PSTPIP2: variants seen among roughly 807,000 people sequenced by gnomAD.
The protein encoded by PSTPIP2 is proline-serine-threonine phosphatase-interacting protein 2.
In PSTPIP2, 33 loss-of-function variants were observed where a neutral mutation model predicts 63.3. The ratio of observed to expected loss-of-function variants is 0.52; its 90% CI spans 0.40 to 0.70. The LOEUF is 0.70. Among genes scored for constraint, PSTPIP2 ranks in the 30% least tolerant of loss-of-function variants. PSTPIP2 has a pLI of 0.00. For missense variants in PSTPIP2, 312 were observed against 400.7 expected (o/e 0.78, Z 1.89); for synonymous variants, 125 against 132.7 (o/e 0.94, Z 0.40).
intron 8 of PSTPIP2, among the ~76,000 whole-genome samples, chr18:45,998,218 C>G (rs1274494097): frequency 6.6e-6 from 1 of 152,120 alleles, no homozygotes; most frequent in African/African-American, 2.4e-5. Context: ...TAAAGGGGCA[C>G]CAAGTTACTT....
chr18:46,064,148 C>G (rs984977695), intron 1 of PSTPIP2, among the ~76,000 whole-genome samples: 3 of 152,132 alleles, frequency 2.0e-5, no homozygotes, highest in Non-Finnish European at 2.9e-5. Context: ...TCTTCCTTGT[C>G]TAGGCCACTG....
intron 3 of PSTPIP2, among the ~76,000 whole-genome samples, chr18:46,019,671 C>T (rs903698858): frequency 4.6e-5 from 7 of 152,080 alleles, no homozygotes; most frequent in Admixed American, 1.3e-4. Context: ...TGTGGTGGCA[C>T]GTGCCGGTAA....
At chr18:46,060,873 T>C (rs1486960616) in intron 1 of PSTPIP2, among the ~76,000 whole-genome samples, 6 of 152,240 alleles carry the variant, frequency 3.9e-5, no homozygotes, top group Non-Finnish European at 7.3e-5. Flanking sequence ...GGCAGGTGCC[T>C]TGTACTCTAT....
intron 1 of PSTPIP2, among the ~76,000 whole-genome samples, chr18:46,042,774 C>T (rs1908237986): frequency 6.6e-6 from 1 of 152,124 alleles, no homozygotes; most frequent in African/African-American, 2.4e-5. Flanking sequence ...TGTCTTGGTG[C>T]ATCGTGCAGC....
intron 13 of PSTPIP2, among the ~76,000 whole-genome samples, chr18:45,990,395 A>C (rs1435634645): frequency 6.6e-6 from 1 of 152,126 alleles, no homozygotes; most frequent in East Asian, 1.9e-4. Context: ...AAAACCCAAT[A>C]TAAGAATTTC....
intron 5 of PSTPIP2, among the ~76,000 whole-genome samples, chr18:46,009,565 T>C (rs1276194409): frequency 6.6e-6 from 1 of 152,098 alleles, no homozygotes; most frequent in Non-Finnish European, 1.5e-5. Context: ...CACAGGTGAC[T>C]TACACTATTG....
intron 2 of PSTPIP2, among the ~76,000 whole-genome samples, chr18:46,037,192 G>A (rs2144108418): frequency 6.6e-6 from 1 of 152,164 alleles, no homozygotes; most frequent in Non-Finnish European, 1.5e-5. Flanking sequence ...CACTCTTGTT[G>A]CCCAGGCTGG....
intron 1 of PSTPIP2, among the ~76,000 whole-genome samples, chr18:46,048,615 G>C (rs146322872): frequency 1.7e-3 from 252 of 152,166 alleles, no homozygotes; most frequent in Middle Eastern, 6.8e-3. Context: ...ATCAGGAAAC[G>C]GGCAAACTCA....
intron 1 of PSTPIP2, among the ~76,000 whole-genome samples, chr18:46,047,692 A>G (rs1908435376): frequency 6.6e-6 from 1 of 151,232 alleles, no homozygotes. Flanking sequence ...TTCCATCTCA[A>G]AAAAAAAAGA....
intron 6 of PSTPIP2, among the ~76,000 whole-genome samples, chr18:46,003,144 T>C (rs1170539142): frequency 4.6e-5 from 7 of 152,210 alleles, no homozygotes; most frequent in Admixed American, 3.9e-4. Context: ...AGAGTGTGTG[T>C]GACCCAGTTA....
rs776258890 is a variant in PSTPIP2, at chr18:45,993,597, T to C, written c.741+8A>G. ...CACGACAATCCTCAGTGGATGCCTC[T>C]GACTTACTTCATCACTGGTGACACA... On this transcript the variant is annotated splice_region_variant and intron_variant, in intron 10 of 14. Transcript: ENST00000409746. 1.2e-6 allele frequency: 2 copies of C among 1,608,920 alleles called. No individual in the cohort carries two copies. The highest frequency in any genetic ancestry group is 1.3e-5 in the African/African-American group (1 of 74,872).
intron 5 of PSTPIP2, among the ~76,000 whole-genome samples, chr18:46,009,021 C>T (rs1453992452): frequency 1.3e-5 from 2 of 152,066 alleles, no homozygotes; most frequent in East Asian, 3.9e-4. Context: ...TAGCGTCTTC[C>T]TCCCCCCCAT....
chr18:46,053,316 A>G (rs1016034205), intron 1 of PSTPIP2, among the ~76,000 whole-genome samples: 1 of 152,172 alleles, frequency 6.6e-6, no homozygotes, highest in Non-Finnish European at 1.5e-5. Flanking sequence ...GCCCAAGTTC[A>G]GTTTACTTCA....
chr18:46,040,871 T>C (rs1908166754), intron 1 of PSTPIP2: 1 of 382,238 alleles, frequency 2.6e-6, no homozygotes, highest in Admixed American at 3.1e-5. Flanking sequence ...CTATGGATCC[T>C]CTACTGAAGC....
chr18:46,025,631 G>C (rs1907550589), intron 2 of PSTPIP2, among the ~76,000 whole-genome samples: 1 of 150,936 alleles, frequency 6.6e-6, no homozygotes, highest in South Asian at 2.1e-4. Flanking sequence ...TCACAATATG[G>C]AGTTCTCTGT....
chr18:45,996,945 TCTCCAAAGCCTA>T (rs1300050313), intron 9 of PSTPIP2, among the ~76,000 whole-genome samples: 1 of 151,738 alleles, frequency 6.6e-6, no homozygotes, highest in Non-Finnish European at 1.5e-5. Context: ...AACAAACAAA[TCTCCAAAGCCTA>T]CTCACTTGCT....
intron 5 of PSTPIP2, among the ~76,000 whole-genome samples, chr18:46,009,362 T>TAAAAAAAAAAAAA (rs749693553): frequency 2.1e-5 from 1 of 46,848 alleles, no homozygotes; most frequent in East Asian, 5.6e-4. Context: ...TTTTATGGTG[T>TAAAAAAAAAAAAA]AAAAAAAAAA....
Position 45,990,714 on chromosome 18 carries a change from T to TG in PSTPIP2, c.955+7dup. The TG allele has an allele frequency of 6.2e-7, 1 of 1,602,808 alleles. No individual in the cohort carries two copies. The highest frequency in any genetic ancestry group is 1.3e-5 in the African/African-American group (1 of 74,640). ...AAGAATTTCAAAAGACCTTTTTTAG[T>TG]GGCATACCTGGTGAGCTTTTAGGAA... On this transcript the variant is annotated splice_region_variant and intron_variant, in intron 13 of 14. Coordinates refer to ENST00000409746, the MANE Select transcript of PSTPIP2 (RefSeq NM_024430.4).
At chr18:45,999,274 T>TA (rs1405192060) in intron 7 of PSTPIP2, among the ~76,000 whole-genome samples, 162 bp downstream of exon 7, 1 of 152,120 alleles carries the variant, frequency 6.6e-6, no homozygotes, top group African/African-American at 2.4e-5. Flanking sequence ...AACCCCCAAA[T>TA]ATGTGGCAGT....
Sources: allele counts gnomAD v4.1 joint callset (sites outside exome capture counted in the v4.1 genomes callset), GRCh38; gene constraint gnomAD v4.1.1; transcripts MANE v1.5; gene names NCBI Gene and HGNC (gene_info 2026-07-23, HGNC 2026-07-21).